The following PIGZ variants were observed in gnomAD, a reference collection of about 807,000 sequenced individuals.
PIGZ encodes the protein GPI alpha-1,2-mannosyltransferase 4.
PIGZ carries 16 observed loss-of-function variants against 16.4 expected under a neutral mutation model. That is an observed-to-expected ratio of 0.97 (90% CI 0.66 to 1.48). PIGZ has a LOEUF of 1.48. PIGZ is among the 40% of genes most tolerant of loss of function. The pLI, the probability that PIGZ is intolerant of heterozygous loss-of-function variation, is 0.00. For missense variants in PIGZ, 770 were observed against 739.2 expected, an observed-to-expected ratio of 1.04 and a Z score of -0.48; for synonymous variants, 409 against 338.4, an observed-to-expected ratio of 1.21 and a Z score of -2.29.
chr3:196,960,249 T>C (rs942546556), intron 1 of PIGZ, among the ~76,000 whole-genome samples: 21 of 152,236 alleles, frequency 1.4e-4, no homozygotes, highest in African/African-American at 4.8e-4. Context: ...CGAATGATTT[T>C]TACTACCTAT....
chr3:196,968,487 C>T (rs1718027964), intron 1 of PIGZ, among the ~76,000 whole-genome samples, 200 bp downstream of exon 1: 1 of 152,254 alleles, frequency 6.6e-6, no homozygotes, highest in Non-Finnish European at 1.5e-5. Flanking sequence ...CGGGTCAGTG[C>T]TTCGAGCCAG....
At position 196,951,852 on chromosome 3, in the gene PIGZ, A is replaced by C. The variant is rs1421892349; in HGVS notation, c.180T>G (p.Asp60Glu). The change falls in exon 2 of 3, where the codon GAT (aspartate) becomes GAG (glutamate). Residue 60 changes from aspartate to glutamate, a missense_variant. Physicochemically the swap from Asp to Glu is conservative, Grantham distance 45. Transcript: ENST00000412723. Reference protein sequence around the residue: ...LLPQTGYVHPDEFFQSPEVMA... With the variant: ...LLPQTGYVHPEEFFQSPEVMA... ...TCACCTCAGGGGACTGGAAGAACTC[A>C]TCTGGGTGCACATAGCCCGTCTGCG... 1.2e-6 allele frequency: 2 copies of C among 1,614,218 alleles called. No homozygotes were observed. The highest frequency in any genetic ancestry group is 1.7e-5 in the Admixed American group (1 of 60,022).
rs1354418915 is a variant in PIGZ, at chr3:196,947,446, A to G, written c.1451T>C (p.Val484Ala). Residue 484 changes from valine to alanine, a missense_variant, in exon 3 of 3, where the codon GTG (valine) becomes GCG (alanine). By Grantham distance (64) the Val-to-Ala change is moderately conservative (BLOSUM62 0). Coordinates refer to ENST00000412723, the MANE Select transcript of PIGZ (RefSeq NM_025163.4). The part of the protein sequence containing the change: ...HLPGLGAPVE[V>A]VDMGGTEDWA... ...GTCCTCAGTCCCCCCCATGTCCACC[A>G]CCTCCACTGGTGCCCCCAGGCCTGG... The G allele has an allele frequency of 1.2e-6, 2 of 1,613,380 alleles. No individual in the cohort carries two copies. Among genetic ancestry groups the G allele is most frequent in the Admixed American group, 1.7e-5 (1 of 59,988 alleles).
intron 1 of PIGZ, among the ~76,000 whole-genome samples, chr3:196,952,688 G>T (rs796904220): frequency 1.8e-4 from 27 of 152,270 alleles, no homozygotes; most frequent in African/African-American, 6.5e-4. Flanking sequence ...CGCCCACTTT[G>T]GCCTCCCAAA....
chr3:196,947,899 G>A lies in PIGZ; in HGVS notation c.998C>T (p.Ala333Val), dbSNP rs1350672082. 6.2e-7 allele frequency: 1 copy of A among 1,613,896 alleles called. No homozygotes were observed. The highest frequency in any genetic ancestry group is 8.5e-7 in the Non-Finnish European group (1 of 1,179,946). The change falls in exon 3 of 3, where the codon GCC becomes GTC. Residue 333 changes from alanine to valine, a missense_variant. Transcript: ENST00000412723. ...CAGCCGTTGCCACGCAGCCTGCAGG[G>A]CCTGGGCATGCAGCACCCCGAAGAG... Reference protein sequence around the residue: ...FLLFGVLHAQALQAAWQRLQV... With the variant: ...FLLFGVLHAQVLQAAWQRLQV...
rs61729251 is a variant in PIGZ at position 196,948,280 on chromosome 3, G to A, written c.617C>T (p.Ala206Val). 531 of 1,614,114 alleles carry A rather than the reference G, an allele frequency of 3.3e-4. No individual in the cohort carries two copies. Among genetic ancestry groups the A allele is most frequent in the African/African-American group, 2.3e-4 (17 of 75,042 alleles). ...VTWGPTRKEP[A>V]PGPRWRSWLL... ...CCAGCTGCGCCACCGTGGACCCGGC[G>A]CCGGCTCCTTGCGTGTAGGGCCCCA... Residue 206 changes from alanine (A) to valine (V), a missense_variant, in exon 3 of 3, where the codon GCG becomes GTG. Ala to Val is a moderately conservative substitution (Grantham distance 64). Transcript: ENST00000412723.
intron 1 of PIGZ, among the ~76,000 whole-genome samples, chr3:196,960,009 G>A (rs567346455): frequency 6.6e-6 from 1 of 152,322 alleles, no homozygotes; most frequent in East Asian, 1.9e-4. Flanking sequence ...TTGAAGACAT[G>A]GGATGTTCGT....
intron 1 of PIGZ, among the ~76,000 whole-genome samples, chr3:196,954,932 T>TA (rs1187710401): frequency 6.8e-6 from 1 of 146,816 alleles, no homozygotes; most frequent in African/African-American, 2.5e-5. Context: ...GTTGAAATCT[T>TA]TTTTTTTTTT....
Position 196,947,189 on chromosome 3 carries a change from G to C in PIGZ, c.1708C>G (p.Leu570Val). The C allele has an allele frequency of 6.4e-7, 1 of 1,573,402 alleles. No homozygotes were observed. Reference protein sequence around the residue: ...LSGAWRDHLSLHIVELGEET With the variant: ...LSGAWRDHLSVHIVELGEET ...TCTTCCCCCAGCTCCACAATGTGAA[G>C]ACTGAGGTGGTCCCTCCAAGCCCCA... The change falls in exon 3 of 3, where the codon CTT (leucine) becomes GTT (valine). Residue 570 changes from leucine to valine, a missense_variant. Transcript: ENST00000412723.
Position 196,948,383 on chromosome 3 carries a change from AG to A in PIGZ, c.513del (p.Tyr172ThrfsTer25), listed in dbSNP as rs1248855311. 2 of 1,614,056 alleles carry A rather than the reference AG, an allele frequency of 1.2e-6. No individual in the cohort carries two copies. Among genetic ancestry groups the A allele is most frequent in the African/African-American group, 2.7e-5 (2 of 74,928 alleles). On this transcript the variant is annotated frameshift_variant, in exon 3 of 3. Transcript: ENST00000412723. LOFTEE classifies it low-confidence loss of function (END_TRUNC). ...ATGGTGTTGGAGAAGGTCCTTGTGT[AG>A]AAGACCAGGGTGACGTAGGAACCAG... Reference protein sequence around the residue: ...LLSGSYVTLVFYTRTFSNTIE... With the variant: ...LLSGSYVTLVXYTRTFSNTIE...
intron 2 of PIGZ, 103 bp downstream of exon 2, chr3:196,951,718 A>G (rs1717289277): frequency 3.7e-6 from 4 of 1,086,606 alleles, no homozygotes; most frequent in Non-Finnish European, 5.5e-6. Flanking sequence ...TGGATTTACT[A>G]CTCATCTACC....
chr3:196,956,687 T>A (rs1360375273), intron 1 of PIGZ, among the ~76,000 whole-genome samples: 1 of 152,236 alleles, frequency 6.6e-6, no homozygotes, highest in African/African-American at 2.4e-5. Context: ...GTCGGGTAAG[T>A]TCTGTTCTAT....
At position 196,965,301 on chromosome 3, in the gene PIGZ, A is replaced by G. The variant is rs1717883023; in HGVS notation, c.-1+3386T>C. On this transcript the variant is annotated intron_variant, in intron 1 of 2. Transcript: ENST00000412723. This position sits in a 1 kb window ranked among gnomAD's most constrained non-coding sequence, Gnocchi z 4.2. ...GCACCTCTTCACAAGGTGGCAAGAG[A>G]GAGTGTGAGTGGAGGAAATGACGGA... Among the ~76,000 whole-genome samples, 1 of 152,180 alleles carries G rather than the reference A, an allele frequency of 6.6e-6. No individual in the cohort carries two copies. Among genetic ancestry groups the G allele is most frequent in the Non-Finnish European group, 1.5e-5 (1 of 68,044 alleles).
intron 1 of PIGZ, among the ~76,000 whole-genome samples, chr3:196,957,740 G>A (rs1299103997): frequency 2.0e-5 from 3 of 152,104 alleles, no homozygotes; most frequent in Admixed American, 6.6e-5. Flanking sequence ...ACAGTTTTGC[G>A]GGGAGTCTCC....
chr3:196,962,401 G>A (rs554892014), intron 1 of PIGZ, among the ~76,000 whole-genome samples: 1 of 152,310 alleles, frequency 6.6e-6, no homozygotes, highest in East Asian at 1.9e-4. Context: ...CACTGAGACA[G>A]CCTGAGATGT....
intron 1 of PIGZ, among the ~76,000 whole-genome samples, chr3:196,963,814 C>T (rs1414222226): frequency 6.6e-6 from 1 of 152,174 alleles, no homozygotes; most frequent in Non-Finnish European, 1.5e-5. Flanking sequence ...GCCATTTGTT[C>T]TTAGGCTTCT....
chr3:196,961,746 A>G (rs1445352955), intron 1 of PIGZ, among the ~76,000 whole-genome samples: 1 of 152,216 alleles, frequency 6.6e-6, no homozygotes, highest in South Asian at 2.1e-4. Flanking sequence ...CAAACTGAGA[A>G]GTGTCTGTAT....
rs1256520895 is a variant in PIGZ, at chr3:196,951,923, G to A, written c.109C>T (p.Leu37Phe). Residue 37 changes from leucine to phenylalanine, a missense_variant, in exon 2 of 3, where the codon CTT becomes TTT. Leu to Phe is a conservative substitution (Grantham distance 22). Coordinates refer to ENST00000412723, the MANE Select transcript of PIGZ (RefSeq NM_025163.4). ...QLDLKMAVRV[L>F]WGGLSLLRVL... is the part of the protein sequence containing the mutation. ...CGGAGCAGGCTGAGACCACCCCAAA[G>A]CACCCTGACTGCCATCTTCAGATCC... 6.2e-7 allele frequency: 1 copy of A among 1,614,134 alleles called. No individual in the cohort carries two copies.
intron 1 of PIGZ, among the ~76,000 whole-genome samples, chr3:196,956,353 A>G (rs527333180): frequency 1.6e-4 from 24 of 152,358 alleles, no homozygotes; most frequent in Admixed American, 3.3e-4. Context: ...CTTACATGGC[A>G]GCAGGCAAAA....
Sources: allele counts gnomAD v4.1 joint callset (sites outside exome capture counted in the v4.1 genomes callset), GRCh38; gene constraint gnomAD v4.1.1; non-coding constraint Gnocchi (gnomAD v3.1); transcripts MANE v1.5; gene names NCBI Gene and HGNC (gene_info 2026-07-23, HGNC 2026-07-21).